VPS51: variants seen among roughly 807,000 people sequenced by gnomAD.
VPS51 encodes vacuolar protein sorting-associated protein 51 homolog.
A neutral mutation model predicts 65.1 loss-of-function variants in VPS51; 55 were observed. The observed-to-expected ratio is 0.84, with a 90% CI of 0.68 to 1.06. VPS51 has a LOEUF of 1.06. Among genes scored for constraint, VPS51 ranks in the 50% least tolerant of loss-of-function variants. VPS51 has a pLI of 0.00. For missense variants in VPS51, 943 were observed against 1,101.6 expected (o/e 0.86, Z 2.04); for synonymous variants, 473 against 489.5 (o/e 0.97, Z 0.44).
Position 65,096,377 on chromosome 11 carries a change from C to A in VPS51, c.127C>A (p.Leu43Ile). 1 of 1,534,856 alleles carries A rather than the reference C, an allele frequency of 6.5e-7. No individual in the cohort carries two copies. Among genetic ancestry groups the A allele is most frequent in the Non-Finnish European group, 8.7e-7 (1 of 1,148,730 alleles). The change falls in exon 1 of 10, where the codon CTC becomes ATC. Residue 43 changes from leucine to isoleucine, a missense_variant. By Grantham distance (5) the Leu-to-Ile change is conservative. This residue lies in a region of VPS51 where 855 missense variants were observed against 953.7 expected (regional missense o/e 0.90). Transcript: ENST00000279281. The stretch of plus-strand genomic sequence containing the variant: ...CGGGATGCTGAAGCTTTACTACGGC[C>A]TCTCGGAAGGGGAGGCGGCGGGACG... ...AHGMLKLYYG[L>I]SEGEAAGRPA...
rs1285381748 is a variant in VPS51, at chr11:65,109,900, G to T, written c.1855G>T (p.Asp619Tyr). Residue 619 changes from aspartate (D) to tyrosine (Y), a missense_variant, in exon 7 of 10, where the codon GAT becomes TAT. Asp to Tyr is a radical substitution (Grantham distance 160). Around this residue, in one of 2 missense-constraint regions of VPS51, gnomAD observed 855 missense variants for 953.7 expected, o/e 0.90. Transcript: ENST00000279281. The part of the protein sequence containing the change: ...VRAVMKRVVE[D>Y]TTAIDVQVGL... ...GGCCGTCATGAAGCGGGTGGTGGAG[G>T]ATACCACCGCCATCGACGTGCAGGT... is the stretch of plus-strand genomic sequence containing the variant. 4 of 1,606,862 alleles carry T rather than the reference G, an allele frequency of 2.5e-6. No individual in the cohort carries two copies. In the African/African-American group the frequency reaches 4.0e-5, roughly 16 times the overall value.
chr11:65,104,401 C>G (rs917010452), intron 2 of VPS51, among the ~76,000 whole-genome samples: 3 of 152,152 alleles, frequency 2.0e-5, no homozygotes, highest in Admixed American at 2.0e-4. Flanking sequence ...AATTGGAGTG[C>G]TTCTAGCACT....
chr11:65,102,899 T>C (rs866301332), intron 2 of VPS51, among the ~76,000 whole-genome samples: 1 of 152,240 alleles, frequency 6.6e-6, no homozygotes. Flanking sequence ...CCCAGCACTT[T>C]GGGAGGCTGA....
At chr11:65,110,873 G>T in intron 9 of VPS51, 92 bp downstream of exon 9, 1 of 1,491,052 alleles carries the variant, frequency 6.7e-7, no homozygotes, top group Admixed American at 1.7e-5. Context: ...CCAGGACTCT[G>T]TGACCAACTG....
intron 2 of VPS51, among the ~76,000 whole-genome samples, chr11:65,103,023 G>A (rs574920944): frequency 5.3e-5 from 8 of 152,262 alleles, no homozygotes; most frequent in South Asian, 2.1e-4. Context: ...GTGTGATGGC[G>A]CTTGTGTGTA....
chr11:65,111,738 G>A lies in VPS51; in HGVS notation c.*151G>A, dbSNP rs1476220503. ...CGCTTGCTGGGCGGGCCTTTCCGGG[G>A]GCGGGGTTTTGAAGCTGAGGCTTCT... On this transcript the variant is annotated 3_prime_UTR_variant, in exon 10 of 10. Transcript: ENST00000279281. The A allele has an allele frequency of 1.0e-5, 14 of 1,341,430 alleles. No individual in the cohort carries two copies. The African/African-American group carries it at 1.8e-4, about 17-fold the overall frequency. The allele number at this position is 1,341,430 out of a possible 1,614,324, so 83.1% of individuals were successfully genotyped here.
chr11:65,111,703 C>A lies in VPS51; in HGVS notation c.*116C>A. 7.1e-7 allele frequency: 1 copy of A among 1,405,778 alleles called. No homozygotes were observed. The highest frequency in any genetic ancestry group is 9.4e-7 in the Non-Finnish European group (1 of 1,068,950). The allele number at this position is 1,405,778 out of a possible 1,614,324, so 87.1% of individuals were successfully genotyped here. On this transcript the variant is annotated 3_prime_UTR_variant, in exon 10 of 10. Transcript: ENST00000279281. ...GACCGGCCTAATAAACATGTGTGGC[C>A]TCCTCCTCTCGCTTGCTGGGCGGGC...
In VPS51 at chr11:65,108,242, G is replaced by C; in HGVS notation, c.771G>C (p.Leu257=). ...GAPEQAECVE[L]LLALGEPAEE... ...CGGAGCAGGCAGAGTGCGTGGAGCT[G>C]CTGCTGGCCCTGGGCGAGCCTGCGG... Residue 257 remains leucine, a synonymous_variant, in exon 5 of 10, where the codon CTG becomes CTC. Coordinates refer to ENST00000279281, the MANE Select transcript of VPS51 (RefSeq NM_013265.4). 6.2e-7 allele frequency: 1 copy of C among 1,600,144 alleles called. No individual in the cohort carries two copies. Among genetic ancestry groups the C allele is most frequent in the Non-Finnish European group, 8.5e-7 (1 of 1,175,062 alleles).
At position 65,107,333 on chromosome 11, in the gene VPS51, G is replaced by T. The variant is rs936426935; in HGVS notation, c.359-248G>T. On this transcript the variant is annotated intron_variant, in intron 2 of 9. Transcript: ENST00000279281. The surrounding 1 kb of genome is among the most constrained non-coding windows in gnomAD (Gnocchi z 4.0). ...GGATCTGGACTAATTCTGAGGGCCG[G>T]CTCTCCTGGGCACCAGGGTTAGGGG... The T allele has an allele frequency of 3.2e-6, 2 of 618,260 alleles. No homozygotes were observed. The highest frequency in any genetic ancestry group is 6.0e-6 in the Non-Finnish European group (2 of 335,548). 38.3% of individuals were successfully genotyped at this position (618,260 alleles called of 1,614,324 possible). A position where few individuals can be genotyped will look rare whatever the true frequency, so the allele number is the denominator to read the frequency against.
chr11:65,102,832 A>G (rs1263429707), intron 2 of VPS51, among the ~76,000 whole-genome samples: 1 of 152,110 alleles, frequency 6.6e-6, no homozygotes, highest in Non-Finnish European at 1.5e-5. Flanking sequence ...TTAGTTCACC[A>G]TCTATGAATT....
intron 7 of VPS51, chr11:65,110,158 T>C (rs1312309343): frequency 1.6e-5 from 10 of 623,698 alleles, no homozygotes; most frequent in Non-Finnish European, 2.8e-5. Flanking sequence ...TCCACGGTCT[T>C]GTTCCTTCTC....
Position 65,108,292 on chromosome 11 carries a change from CG to C in VPS51, c.822del (p.His275ThrfsTer10). The C allele has an allele frequency of 6.2e-7, 1 of 1,602,226 alleles. No homozygotes were observed. The highest frequency in any genetic ancestry group is 8.5e-7 in the Non-Finnish European group (1 of 1,175,334). ...GAGGAGCTGTGCGAGGAGTTCCTGG[CG>C]CACGCCCGCGGCCGGCTGGAGAAGG... The part of the protein sequence containing the change: ...PAEELCEEFL[A>X]HARGRLEKEL... On this transcript the variant is annotated frameshift_variant, in exon 5 of 10. Transcript: ENST00000279281. LOFTEE classifies it high-confidence loss of function.
At chr11:65,109,994 C>T in intron 7 of VPS51, 71 bp downstream of exon 7, 1 of 1,451,994 alleles carries the variant, frequency 6.9e-7, no homozygotes, top group Non-Finnish European at 9.3e-7. Flanking sequence ...GGGGCTGGGG[C>T]AGCAGAGGAT....
At chr11:65,108,145 C>T in intron 4 of VPS51, 52 bp from the exon 5 acceptor site, 1 of 1,577,284 alleles carries the variant, frequency 6.3e-7, no homozygotes, top group South Asian at 1.1e-5. Flanking sequence ...CTGCTCCTGC[C>T]CCATCCACCG....
At position 65,109,801 on chromosome 11, in the gene VPS51, G is replaced by A; in HGVS notation, c.1756G>A (p.Val586Ile). The change falls in exon 7 of 10, where the codon GTC (valine) becomes ATC (isoleucine). Residue 586 changes from valine (V) to isoleucine (I), a missense_variant. Physicochemically the swap from Val to Ile is conservative, Grantham distance 29. Transcript: ENST00000279281. The stretch of plus-strand genomic sequence containing the variant: ...CCACTACGTGAAGGTGCAGGGCCTG[G>A]TCATATCACAGATGCTGCGCAAGAG... ...LTHYVKVQGL[V>I]ISQMLRKSVE... The A allele has an allele frequency of 6.2e-7, 1 of 1,608,898 alleles. No homozygotes were observed. The highest frequency in any genetic ancestry group is 1.1e-5 in the South Asian group (1 of 89,846).
At chr11:65,104,871 T>A (rs1158556359) in intron 2 of VPS51, among the ~76,000 whole-genome samples, 1 of 152,230 alleles carries the variant, frequency 6.6e-6, no homozygotes. Flanking sequence ...GCCAGATGCC[T>A]TTGTGTGGAG....
At chr11:65,106,173 A>G (rs1947840318) in intron 2 of VPS51, among the ~76,000 whole-genome samples, 1 of 152,226 alleles carries the variant, frequency 6.6e-6, no homozygotes, top group South Asian at 2.1e-4. Context: ...TGGACAAGAG[A>G]TGATAGTGGC....
chr11:65,110,667 T>A (rs1947889791), intron 8 of VPS51, 27 bp from the exon 9 acceptor site: 1 of 1,614,158 alleles, frequency 6.2e-7, no homozygotes, highest in South Asian at 1.1e-5. Context: ...CAGGGCGGGC[T>A]CTGATTCCTT....
At chr11:65,101,579 G>A (rs1192955991) in intron 2 of VPS51, among the ~76,000 whole-genome samples, 1 of 151,584 alleles carries the variant, frequency 6.6e-6, no homozygotes, top group Non-Finnish European at 1.5e-5. Context: ...GACCATCCTG[G>A]CCAACAGGTT....
Sources: gnomAD v4.1 joint callset for allele counts (sites outside exome capture counted in the v4.1 genomes callset) on GRCh38, gnomAD v4.1.1 for gene constraint, gnomAD v4.1.1 regional missense constraint, Gnocchi (gnomAD v3.1) non-coding constraint, MANE v1.5 for transcripts, NCBI Gene and HGNC (gene_info 2026-07-23, HGNC 2026-07-21) for gene names.